Variants in BCL7A observed in about 807,000 individuals in gnomAD.
The protein encoded by BCL7A is BAF chromatin remodeling complex subunit BCL7A.
Under a neutral mutation model 28.4 loss-of-function variants are expected in BCL7A, and 11 were observed. That is an observed-to-expected ratio of 0.39 (90% CI 0.24 to 0.64). The LOEUF (loss-of-function observed/expected upper bound fraction) is 0.64, where lower values mean the gene tolerates loss of function less well. Ranked by LOEUF, BCL7A falls within the 30% of genes least tolerant of loss-of-function variation. BCL7A has a pLI of 0.50. For synonymous variants in BCL7A, 123 were observed against 103.3 expected, an observed-to-expected ratio of 1.19 and a Z score of -1.15; for missense variants, 222 against 274.8, an observed-to-expected ratio of 0.81 and a Z score of 1.36.
Position 122,035,317 on chromosome 12 carries a change from AT to A in BCL7A, c.175-10del. 1 of 1,611,902 alleles carries A rather than the reference AT, an allele frequency of 6.2e-7. No homozygotes were observed. Among genetic ancestry groups the A allele is most frequent in the Non-Finnish European group, 8.5e-7 (1 of 1,178,068 alleles). Reference sequence around the variant, plus strand: ...GATCTGGTGACTTGGTTTCTGCTCCATTTTCCCCTGCAGAAAAACAAGAATA... The same window carrying A: ...GATCTGGTGACTTGGTTTCTGCTCCATTTCCCCTGCAGAAAAACAAGAATA... On this transcript the variant is annotated splice_polypyrimidine_tract_variant and intron_variant, in intron 2 of 5. Coordinates refer to ENST00000261822, the MANE Select transcript of BCL7A (RefSeq NM_001024808.3).
chr12:122,025,132 T>C (rs1593021030), intron 1 of BCL7A, among the ~76,000 whole-genome samples: 1 of 151,640 alleles, frequency 6.6e-6, no homozygotes, highest in East Asian at 1.9e-4. Context: ...TGGGCCAGGG[T>C]TTGGGGGCCC....
rs1206907987 is a variant in BCL7A, at chr12:122,021,897, C to A, written c.-195C>A. On this transcript the variant is annotated 5_prime_UTR_variant, in exon 1 of 6. Transcript: ENST00000261822. ...CCCGGCGCTTGCGCACTGGGCCAGG[C>A]GCGCGGCGGCCCCGGGCTTTGTGTG... The A allele has an allele frequency of 2.5e-6, 1 of 397,114 alleles. No homozygotes were observed. The allele number at this position is 397,114 out of a possible 1,614,324, so 24.6% of individuals were successfully genotyped here.
Position 122,054,892 on chromosome 12 carries a change from C to G in BCL7A, c.527C>G (p.Ser176Trp). Residue 176 changes from serine (S) to tryptophan (W), a missense_variant, in exon 5 of 6, where the codon TCG (serine) becomes TGG (tryptophan). Around this residue, in one of 2 missense-constraint regions of BCL7A, gnomAD observed 155 missense variants for 145.7 expected, o/e 1.06. Transcript: ENST00000261822. Reference sequence around the variant, plus strand: ...GTAGATCGGCAGCCGTCTGGAGACTCGGGTCTGGCCGCAGAGACGTCTGCA... The same window carrying G: ...GTAGATCGGCAGCCGTCTGGAGACTGGGGTCTGGCCGCAGAGACGTCTGCA... ...EKVDRQPSGD[S>W]GLAAETSAIS... The G allele has an allele frequency of 1.9e-6, 3 of 1,614,188 alleles. No homozygotes were observed. The highest frequency in any genetic ancestry group is 2.5e-6 in the Non-Finnish European group (3 of 1,180,032).
rs55770934 is a variant in BCL7A at position 122,034,190 on chromosome 12, CATATATATATATATATATATATATAT to C, written c.175-1112_175-1087del. 3.9e-3 allele frequency among the ~76,000 whole-genome samples: 377 copies of C among 97,598 alleles called. 9 individuals are homozygous for C. Among genetic ancestry groups the C allele is most frequent in the East Asian group, 0.013 (31 of 2,374 alleles). The allele number at this position is 97,598 out of a possible 152,430, so 64.0% of individuals were successfully genotyped here. ...TGAGGCTCACGTATCCTGCATCTTTCATATATATATATATATATATATATATATATATATATATATATATATATATA... is the reference window on the plus strand; with the variant it reads ...TGAGGCTCACGTATCCTGCATCTTTCATATATATATATATATATATATATA... On this transcript the variant is annotated intron_variant, in intron 2 of 5. Transcript: ENST00000261822.
chr12:122,026,150 C>A (rs917946949), intron 1 of BCL7A, among the ~76,000 whole-genome samples: 1 of 151,198 alleles, frequency 6.6e-6, no homozygotes, highest in Non-Finnish European at 1.5e-5. Context: ...GCCTATAGTC[C>A]CACCTACTTG....
chr12:122,028,462 C>T (rs921085360), intron 1 of BCL7A, among the ~76,000 whole-genome samples: 1 of 150,922 alleles, frequency 6.6e-6, no homozygotes, highest in African/African-American at 2.4e-5. Context: ...GGTTGATTTA[C>T]TGGGAAGCTG....
rs909543030 is a variant in BCL7A, at chr12:122,061,388, A to C, written c.*2225A>C. On this transcript the variant is annotated 3_prime_UTR_variant, in exon 6 of 6. Coordinates refer to ENST00000261822, the MANE Select transcript of BCL7A (RefSeq NM_001024808.3). ...TTTCTCTGAAGTGCCTGAAGGTAGG[A>C]ATGGGCCGGCGATTGGGACCAGCTG... is the stretch of plus-strand genomic sequence containing the variant. 2 of 231,788 alleles carry C rather than the reference A, an allele frequency of 8.6e-6. No homozygotes were observed. The allele number at this position is 231,788 out of a possible 1,614,324, so 14.4% of individuals were successfully genotyped here. A position where few individuals can be genotyped will look rare whatever the true frequency, so the allele number is the denominator to read the frequency against.
At chr12:122,053,010 T>A (rs1884227801) in intron 4 of BCL7A, among the ~76,000 whole-genome samples, 1 of 150,700 alleles carries the variant, frequency 6.6e-6, no homozygotes, top group African/African-American at 2.5e-5. Flanking sequence ...GTTGTTGTCG[T>A]TTTTTGAGAC....
intron 1 of BCL7A, among the ~76,000 whole-genome samples, chr12:122,028,722 A>C (rs139686708): frequency 9.4e-4 from 143 of 152,262 alleles, no homozygotes; most frequent in African/African-American, 3.1e-3. Flanking sequence ...TGCATCTGTA[A>C]AAAGGGTGAC....
At chr12:122,047,249 C>T (rs1268761545) in intron 4 of BCL7A, among the ~76,000 whole-genome samples, 1 of 151,526 alleles carries the variant, frequency 6.6e-6, no homozygotes, top group Non-Finnish European at 1.5e-5. Flanking sequence ...CTTGGCCGGG[C>T]GCAGTGGCTC....
At chr12:122,026,010 C>T (rs1032146100) in intron 1 of BCL7A, among the ~76,000 whole-genome samples, 5 of 151,080 alleles carry the variant, frequency 3.3e-5, no homozygotes, top group Non-Finnish European at 7.4e-5. Flanking sequence ...TGGCTCACAC[C>T]TGTAATCCCA....
At chr12:122,036,092 C>T (rs190152247) in intron 3 of BCL7A, among the ~76,000 whole-genome samples, 69 of 152,252 alleles carry the variant, frequency 4.5e-4, no homozygotes, top group Middle Eastern at 3.4e-3. Flanking sequence ...CTGCCCGCCA[C>T]GGCCTCCCAA....
At chr12:122,032,223 CCCCTGAACTTGGGCCTTTGTTGT>C (rs1162480858) in intron 2 of BCL7A, among the ~76,000 whole-genome samples, 1 of 152,220 alleles carries the variant, frequency 6.6e-6, no homozygotes, top group Non-Finnish European at 1.5e-5. Flanking sequence ...CACATGCTCA[CCCCTGAACTTGGGCCTTTGTTGT>C]CCCTTCTGGT....
rs1951910564 is a variant in BCL7A at position 122,060,326 on chromosome 12, C to T, written c.*1163C>T. The stretch of plus-strand genomic sequence containing the variant: ...ACCGTGTCTCATCCCCAGAACATGC[C>T]GTCTGTCCCCACCGGGGAGTGGGCC... On this transcript the variant is annotated 3_prime_UTR_variant, in exon 6 of 6. Transcript: ENST00000261822. 1 of 232,726 alleles carries T rather than the reference C, an allele frequency of 4.3e-6. No individual in the cohort carries two copies. Among genetic ancestry groups the T allele is most frequent in the Non-Finnish European group, 8.5e-6 (1 of 117,492 alleles). 14.4% of individuals were successfully genotyped at this position (232,726 alleles called of 1,614,324 possible).
At chr12:122,032,497 T>C (rs1195411883) in intron 2 of BCL7A, among the ~76,000 whole-genome samples, 1 of 152,124 alleles carries the variant, frequency 6.6e-6, no homozygotes, top group East Asian at 1.9e-4. Context: ...TAGAATAGCA[T>C]GAAACAGATA....
chr12:122,048,429 G>A (rs185531879), intron 4 of BCL7A, among the ~76,000 whole-genome samples: 50 of 152,172 alleles, frequency 3.3e-4, no homozygotes, highest in African/African-American at 1.1e-3. Flanking sequence ...CTTCTTGGAG[G>A]AGTTGCTGTC....
At chr12:122,058,226 C>T (rs576339554) in intron 5 of BCL7A, among the ~76,000 whole-genome samples, 1 of 152,248 alleles carries the variant, frequency 6.6e-6, no homozygotes, top group East Asian at 1.9e-4. Context: ...CTTGGAAAAG[C>T]TGGTGCGGTG....
chr12:122,025,380 C>T (rs1479819561), intron 1 of BCL7A, among the ~76,000 whole-genome samples: 1 of 152,018 alleles, frequency 6.6e-6, no homozygotes, highest in Non-Finnish European at 1.5e-5. Context: ...AATTTCAGCA[C>T]TCTGGGAGGC....
intron 4 of BCL7A, among the ~76,000 whole-genome samples, chr12:122,051,352 G>A (rs1231080656): frequency 3.3e-5 from 5 of 152,186 alleles, no homozygotes; most frequent in Non-Finnish European, 5.9e-5. Flanking sequence ...GCTGTCTGCC[G>A]GGATGGGGCA....
Sources: gnomAD v4.1 joint callset for allele counts (sites outside exome capture counted in the v4.1 genomes callset) on GRCh38, gnomAD v4.1.1 for gene constraint, gnomAD v4.1.1 regional missense constraint, MANE v1.5 for transcripts, NCBI Gene and HGNC (gene_info 2026-07-23, HGNC 2026-07-21) for gene names.